The following LRRC8D variants were observed in gnomAD, a reference collection of about 807,000 sequenced individuals.
LRRC8D encodes the protein leucine rich repeat containing 8 VRAC subunit D.
LRRC8D carries 20 observed loss-of-function variants against 55.8 expected under a neutral mutation model. The ratio of observed to expected loss-of-function variants is 0.36; its 90% CI spans 0.25 to 0.52. LRRC8D has a LOEUF of 0.52. Among genes scored for constraint, LRRC8D ranks in the 20% least tolerant of loss-of-function variants. The pLI is 0.93. For synonymous variants in LRRC8D, 352 were observed against 377.0 expected (o/e 0.93, Z 0.77); for missense variants, 651 against 1,030.8 (o/e 0.63, Z 5.05).
At chr1:89,824,899 C>T (rs929911445) in intron 1 of LRRC8D, among the ~76,000 whole-genome samples, 1 of 152,216 alleles carries the variant, frequency 6.6e-6, no homozygotes, top group African/African-American at 2.4e-5. Flanking sequence ...AAGCTTACAA[C>T]TGCCTATGAT....
intron 2 of LRRC8D, among the ~76,000 whole-genome samples, chr1:89,919,893 A>T (rs1663368763): frequency 6.6e-6 from 1 of 152,212 alleles, no homozygotes; most frequent in Non-Finnish European, 1.5e-5. Context: ...TTTCTAGTAG[A>T]GGGTACACTA....
At chr1:89,926,501 G>T (rs1341949726) in intron 2 of LRRC8D, among the ~76,000 whole-genome samples, 2 of 152,242 alleles carry the variant, frequency 1.3e-5, no homozygotes, top group African/African-American at 4.8e-5. Context: ...TAATGTCATT[G>T]CTTTGTCACC....
chr1:89,902,683 C>G (rs1347703333), intron 2 of LRRC8D, among the ~76,000 whole-genome samples: 1 of 151,734 alleles, frequency 6.6e-6, no homozygotes, highest in Non-Finnish European at 1.5e-5. Context: ...ACTACAGGGC[C>G]CGGCTAATTT....
chr1:89,935,615 C>T lies in LRRC8D; in HGVS notation c.2547C>T (p.Asp849=), dbSNP rs1298972185. 2 of 1,614,030 alleles carry T rather than the reference C, an allele frequency of 1.2e-6. No homozygotes were observed. Among genetic ancestry groups the T allele is most frequent in the Admixed American group, 3.3e-5 (2 of 60,018 alleles). ...AAGTCAAAGAGGCATTGAATCAAGACATAAATATTCCCTTTGCAAATGGGA... is the reference window on the plus strand; with the variant it reads ...AAGTCAAAGAGGCATTGAATCAAGATATAAATATTCCCTTTGCAAATGGGA... The part of the protein sequence containing the change: ...PLEVKEALNQ[D]INIPFANGI The change falls in exon 3 of 3, where the codon GAC becomes GAT. Residue 849 remains aspartate, a synonymous_variant. Transcript: ENST00000337338.
At chr1:89,912,700 T>C (rs942172646) in intron 2 of LRRC8D, among the ~76,000 whole-genome samples, 1 of 152,184 alleles carries the variant, frequency 6.6e-6, no homozygotes, top group Non-Finnish European at 1.5e-5. Context: ...GTTTATAATA[T>C]AATCTCTACA....
intron 2 of LRRC8D, among the ~76,000 whole-genome samples, chr1:89,867,867 AT>A (rs1323229905): frequency 6.6e-6 from 1 of 152,258 alleles, no homozygotes; most frequent in Admixed American, 6.5e-5. Context: ...GAAAGGAAAC[AT>A]CCTTTTAGAA....
intron 1 of LRRC8D, among the ~76,000 whole-genome samples, chr1:89,837,810 C>G (rs913609499): frequency 3.3e-5 from 5 of 152,068 alleles, no homozygotes; most frequent in Non-Finnish European, 7.4e-5. Flanking sequence ...CCACTACAGG[C>G]AAAGGAAAGG....
At chr1:89,862,530 C>T (rs1290900558) in intron 2 of LRRC8D, among the ~76,000 whole-genome samples, 1 of 152,154 alleles carries the variant, frequency 6.6e-6, no homozygotes, top group African/African-American at 2.4e-5. Flanking sequence ...TTTAGTTCTC[C>T]TGTGTTTAGC....
At chr1:89,836,476 G>GC (rs1472967275) in intron 1 of LRRC8D, among the ~76,000 whole-genome samples, 2 of 152,066 alleles carry the variant, frequency 1.3e-5, no homozygotes, top group Non-Finnish European at 2.9e-5. Flanking sequence ...TTATACATAC[G>GC]CCACTGACAT....
chr1:89,894,694 A>C (rs986890212), intron 2 of LRRC8D, among the ~76,000 whole-genome samples: 8 of 152,250 alleles, frequency 5.3e-5, no homozygotes, highest in Admixed American at 3.3e-4. Flanking sequence ...ATACTGAGTA[A>C]GCTGAAATAT....
At chr1:89,873,919 A>G (rs565535387) in intron 2 of LRRC8D, among the ~76,000 whole-genome samples, 1 of 152,260 alleles carries the variant, frequency 6.6e-6, no homozygotes, top group Admixed American at 6.5e-5. Context: ...GGGAAATTGT[A>G]TCTTGTGGGA....
At chr1:89,918,829 T>C (rs1305073568) in intron 2 of LRRC8D, among the ~76,000 whole-genome samples, 1 of 152,248 alleles carries the variant, frequency 6.6e-6, no homozygotes, top group African/African-American at 2.4e-5. Context: ...TTGATCATTT[T>C]GACTTTGGTA....
At chr1:89,867,555 A>T (rs1293454280) in intron 2 of LRRC8D, among the ~76,000 whole-genome samples, 2 of 152,212 alleles carry the variant, frequency 1.3e-5, no homozygotes, top group Non-Finnish European at 2.9e-5. Context: ...GTTGTGTATA[A>T]TACTGCTGTG....
At chr1:89,863,371 A>G (rs534495196) in intron 2 of LRRC8D, among the ~76,000 whole-genome samples, 1 of 152,308 alleles carries the variant, frequency 6.6e-6, no homozygotes, top group African/African-American at 2.4e-5. Context: ...TAGATCACGC[A>G]GTACACAAGT....
intron 1 of LRRC8D, among the ~76,000 whole-genome samples, chr1:89,824,716 T>G (rs1014390475): frequency 9.9e-5 from 15 of 152,248 alleles, no homozygotes; most frequent in Non-Finnish European, 2.1e-4. Flanking sequence ...GTCCCAATTC[T>G]TTTCACAGTC....
intron 1 of LRRC8D, chr1:89,822,303 G>GTCT (rs1326934501): frequency 6.5e-6 from 1 of 152,842 alleles, no homozygotes; most frequent in Non-Finnish European, 1.5e-5. Flanking sequence ...CGAGATGAGA[G>GTCT]GGAGGGCGCA....
chr1:89,922,783 C>G (rs1663458726), intron 2 of LRRC8D, among the ~76,000 whole-genome samples: 1 of 152,214 alleles, frequency 6.6e-6, no homozygotes, highest in Non-Finnish European at 1.5e-5. Context: ...TATCTACCTT[C>G]ACTATCCTAT....
In LRRC8D at chr1:89,935,292, T is replaced by G. The variant is rs1249895515; in HGVS notation, c.2224T>G (p.Ser742Ala). 1 of 1,614,206 alleles carries G rather than the reference T, an allele frequency of 6.2e-7. No individual in the cohort carries two copies. The highest frequency in any genetic ancestry group is 8.5e-7 in the Non-Finnish European group (1 of 1,180,008). Residue 742 changes from serine to alanine, a missense_variant, in exon 3 of 3, where the codon TCA (serine) becomes GCA (alanine). Around this residue, in one of 5 missense-constraint regions of LRRC8D, gnomAD observed 338 missense variants for 479.4 expected, o/e 0.71. Coordinates refer to ENST00000337338, the MANE Select transcript of LRRC8D (RefSeq NM_001134479.2). Reference protein sequence around the residue: ...RCLDVSYNNISMIPIEIGLLQ... With the variant: ...RCLDVSYNNIAMIPIEIGLLQ... The stretch of plus-strand genomic sequence containing the variant: ...CTTAGATGTGAGCTACAACAACATT[T>G]CAATGATTCCAATAGAAATAGGATT...
At chr1:89,877,745 A>G (rs1662182198) in intron 2 of LRRC8D, among the ~76,000 whole-genome samples, 1 of 152,216 alleles carries the variant, frequency 6.6e-6, no homozygotes, top group South Asian at 2.1e-4. Context: ...GGTATTGTCT[A>G]GGTTTTATTG....
Sources: gnomAD v4.1 joint callset for allele counts (sites outside exome capture counted in the v4.1 genomes callset) on GRCh38, gnomAD v4.1.1 for gene constraint, gnomAD v4.1.1 regional missense constraint, MANE v1.5 for transcripts, NCBI Gene and HGNC (gene_info 2026-07-23, HGNC 2026-07-21) for gene names.